FBN2: variants seen among roughly 807,000 people sequenced by gnomAD.
The protein encoded by FBN2 is fibrillin-2.
FBN2 carries 105 observed loss-of-function variants against 355.6 expected under a neutral mutation model. The ratio of observed to expected loss-of-function variants is 0.30; its 90% CI spans 0.25 to 0.35. FBN2 has a LOEUF of 0.35. FBN2 is among the 10% of genes least tolerant of loss of function. FBN2 has a pLI of 1.00. For missense variants in FBN2, 3,280 were observed against 3,758.7 expected (o/e 0.87, Z 3.33); for synonymous variants, 1,350 against 1,301.2 (o/e 1.04, Z -0.81).
intron 6 of FBN2, among the ~76,000 whole-genome samples, chr5:128,464,271 T>C (rs1754635910): frequency 6.6e-6 from 1 of 152,176 alleles, no homozygotes; most frequent in African/African-American, 2.4e-5. Flanking sequence ...TCACATTTTG[T>C]CTTTGAAGAC....
At position 128,363,150 on chromosome 5, in the gene FBN2, CTCTT is replaced by C. The variant is rs1297196659; in HGVS notation, c.2429-1306_2429-1303del. On this transcript the variant is annotated intron_variant, in intron 18 of 64. Coordinates refer to ENST00000262464, the MANE Select transcript of FBN2 (RefSeq NM_001999.4). ...GTGACTGCATCACAATTTTCTTTCT[CTCTT>C]TCTTTCTCCACTCCCCTTCCCTCCC... Among the ~76,000 whole-genome samples, 4 of 151,984 alleles carry C rather than the reference CTCTT, an allele frequency of 2.6e-5. No individual in the cohort carries two copies. The South Asian group carries it at 6.2e-4, about 24-fold the overall frequency.
At chr5:128,266,228 A>G (rs1380850539) in intron 62 of FBN2, among the ~76,000 whole-genome samples, 1 of 152,366 alleles carries the variant, frequency 6.6e-6, no homozygotes, top group East Asian at 1.9e-4. Context: ...AGAAGAATCT[A>G]GAATCTTTTG....
intron 58 of FBN2, among the ~76,000 whole-genome samples, chr5:128,276,448 T>C (rs988181710): frequency 2.6e-5 from 4 of 152,236 alleles, no homozygotes; most frequent in East Asian, 3.8e-4. Context: ...AACCTGAGAA[T>C]CATAAACTTA....
intron 7 of FBN2, among the ~76,000 whole-genome samples, chr5:128,432,283 C>T (rs1753647454): frequency 6.6e-6 from 1 of 151,986 alleles, no homozygotes; most frequent in African/African-American, 2.4e-5. Context: ...AAAATAAAAC[C>T]TATTTGTCCG....
chr5:128,279,797 T>C (rs1765488702), intron 56 of FBN2, among the ~76,000 whole-genome samples: 1 of 152,194 alleles, frequency 6.6e-6, no homozygotes, highest in Admixed American at 6.5e-5. Flanking sequence ...TACCACAATA[T>C]AAAAAGTAAC....
At chr5:128,287,581 A>G in intron 53 of FBN2, 151 bp from the exon 54 acceptor site, 1 of 768,784 alleles carries the variant, frequency 1.3e-6, no homozygotes, top group Non-Finnish European at 2.2e-6. Context: ...TACCTAACAA[A>G]CTCATCTTTA....
At chr5:128,436,453 A>G (rs1300700835) in intron 7 of FBN2, among the ~76,000 whole-genome samples, 1 of 152,184 alleles carries the variant, frequency 6.6e-6, no homozygotes, top group Non-Finnish European at 1.5e-5. Flanking sequence ...TCTGCACTAA[A>G]TTTCCAAACT....
chr5:128,292,893 A>G (rs894629887), intron 48 of FBN2, among the ~76,000 whole-genome samples: 2 of 152,162 alleles, frequency 1.3e-5, no homozygotes, highest in Non-Finnish European at 2.9e-5. Flanking sequence ...CGGTGCTCCC[A>G]TCTCCTGAAC....
rs200191679 is a variant in FBN2 at position 128,336,015 on chromosome 5, C to A, written c.3697G>T (p.Ala1233Ser). Residue 1233 changes from alanine (A) to serine (S), a missense_variant, in exon 28 of 65, where the codon GCT becomes TCT. Around this residue, in one of 6 missense-constraint regions of FBN2, gnomAD observed 2,284 missense variants for 2,749.5 expected, o/e 0.83. Transcript: ENST00000262464. ...GTACAGCCCTGGCGGTCTGGCGTAG[C>A]CTGATATCCAGGATTGCAAGAGCAC... ...YQCSCNPGYQ[A>S]TPDRQGCTDI... 10 of 1,614,170 alleles carry A rather than the reference C, an allele frequency of 6.2e-6. No homozygotes were observed. The highest frequency in any genetic ancestry group is 8.5e-6 in the Non-Finnish European group (10 of 1,180,026).
chr5:128,393,095 G>GA (rs1752560958), intron 10 of FBN2, 40 bp downstream of exon 10: 1 of 1,438,920 alleles, frequency 6.9e-7, no homozygotes, highest in Admixed American at 1.7e-5. Flanking sequence ...GTCACTTGAG[G>GA]CAGGAAACTA....
intron 5 of FBN2, among the ~76,000 whole-genome samples, chr5:128,497,567 C>T (rs2127134912): frequency 6.6e-6 from 1 of 152,276 alleles, no homozygotes; most frequent in East Asian, 1.9e-4. Context: ...CTGCAGTCTC[C>T]AGGCACAGGT....
chr5:128,369,837 T>C (rs1751885161), intron 15 of FBN2, among the ~76,000 whole-genome samples: 1 of 152,218 alleles, frequency 6.6e-6, no homozygotes, highest in African/African-American at 2.4e-5. Flanking sequence ...AGGATACTGC[T>C]TGTGACTGTT....
At position 128,406,445 on chromosome 5, in the gene FBN2, G is replaced by A. The variant is rs1752929671; in HGVS notation, c.1078+2229C>T. ...AGCATACGATTTCTTTCCTTTCCTT[G>A]CTAAGTAGAGAACTTCCACCTGTTC... is the stretch of plus-strand genomic sequence containing the variant. On this transcript the variant is annotated intron_variant, in intron 8 of 64. Transcript: ENST00000262464. 2.6e-5 allele frequency among the ~76,000 whole-genome samples: 4 copies of A among 152,040 alleles called. No individual in the cohort carries two copies. The South Asian group carries it at 8.3e-4, about 32-fold the overall frequency.
chr5:128,335,463 G>A lies in FBN2; in HGVS notation c.3839C>T (p.Ser1280Leu), dbSNP rs200481467. The change falls in exon 29 of 65, where the codon TCG (serine) becomes TTG (leucine). Residue 1280 changes from serine to leucine, a missense_variant. Transcript: ENST00000262464. ...EGYALMPDGR[S>L]CADIDECENN... ...TGTTTTCCTTTCTATACCTGCACACGATCTCCCATCTGGCATCAGGGCATA... is the reference window on the plus strand; with the variant it reads ...TGTTTTCCTTTCTATACCTGCACACAATCTCCCATCTGGCATCAGGGCATA... The A allele has an allele frequency of 1.2e-4, 191 of 1,614,132 alleles. 1 individual carries two copies. The highest frequency in any genetic ancestry group is 1.5e-4 in the Non-Finnish European group (174 of 1,180,014).
At chr5:128,312,375 G>T in intron 37 of FBN2, among the ~76,000 whole-genome samples, 1 of 152,158 alleles carries the variant, frequency 6.6e-6, no homozygotes, top group East Asian at 1.9e-4. Context: ...ACATCATGAA[G>T]AACTGATATT....
chr5:128,487,082 G>A (rs962051230), intron 5 of FBN2, among the ~76,000 whole-genome samples: 4 of 152,224 alleles, frequency 2.6e-5, no homozygotes, highest in Admixed American at 2.0e-4. Context: ...TTAAAATTAG[G>A]TATGGCCACA....
intron 7 of FBN2, among the ~76,000 whole-genome samples, chr5:128,418,579 G>A (rs1753264898): frequency 6.6e-6 from 1 of 152,000 alleles, no homozygotes; most frequent in Non-Finnish European, 1.5e-5. Context: ...TTTTTAAAAT[G>A]TCCTTATTCC....
At chr5:128,360,711 T>G (rs1178027061) in intron 19 of FBN2, among the ~76,000 whole-genome samples, 2 of 152,106 alleles carry the variant, frequency 1.3e-5, no homozygotes, top group African/African-American at 4.8e-5. Flanking sequence ...CTGGTTTCTG[T>G]TCACAAGAAT....
In FBN2 at chr5:128,305,073, T is replaced by G. The variant is rs1417599373; in HGVS notation, c.5684A>C (p.Glu1895Ala). The G allele has an allele frequency of 6.2e-7, 1 of 1,610,732 alleles. No individual in the cohort carries two copies. The highest frequency in any genetic ancestry group is 1.7e-5 in the Admixed American group (1 of 59,812). ...GCAAACGTTAGGAATTTCTAAACAT[T>G]CATTGCGATCTAAAACAGAAAAAAA... ...SPNGACVDRN[E>A]CLEIPNVCSH... Residue 1895 changes from glutamate (E) to alanine (A), a missense_variant, in exon 45 of 65, where the codon GAA becomes GCA. Glu to Ala is a moderately radical substitution (Grantham distance 107). Transcript: ENST00000262464.
Sources: gnomAD v4.1 joint callset for allele counts (sites outside exome capture counted in the v4.1 genomes callset) on GRCh38, gnomAD v4.1.1 for gene constraint, gnomAD v4.1.1 regional missense constraint, MANE v1.5 for transcripts, NCBI Gene and HGNC (gene_info 2026-07-23, HGNC 2026-07-21) for gene names.